Variants in CFAP54 observed in about 807,000 individuals in gnomAD.
CFAP54 encodes the protein cilia and flagella associated protein 54, also known as cilia- and flagella-associated protein 54.
CFAP54 carries 290 observed loss-of-function variants against 370.4 expected under a neutral mutation model. The observed-to-expected ratio is 0.78, with a 90% CI of 0.71 to 0.86. CFAP54 has a LOEUF of 0.86. Among genes scored for constraint, CFAP54 ranks in the 40% least tolerant of loss-of-function variants. CFAP54 has a pLI of 0.00. For synonymous variants in CFAP54, 1,206 were observed against 1,236.5 expected (o/e 0.98, Z 0.52); for missense variants, 3,399 against 3,528.7 (o/e 0.96, Z 0.93).
At chr12:96,845,680 C>T (rs1689473879) in intron 66 of CFAP54, among the ~76,000 whole-genome samples, 1 of 152,218 alleles carries the variant, frequency 6.6e-6, no homozygotes, top group South Asian at 2.1e-4. Context: ...CCTTCCCTTT[C>T]CCCATGGCTT....
intron 66 of CFAP54, among the ~76,000 whole-genome samples, chr12:96,856,266 G>A (rs12580091): frequency 0.011 from 1,714 of 152,304 alleles, 79 homozygotes; most frequent in East Asian, 0.11. Flanking sequence ...AGCATAAATT[G>A]TGATGTTTTC....
intron 58 of CFAP54, among the ~76,000 whole-genome samples, chr12:96,759,927 A>G (rs1323019388): frequency 6.6e-6 from 1 of 152,220 alleles, no homozygotes; most frequent in African/African-American, 2.4e-5. Context: ...TTTTGTTAGT[A>G]GGTACTCAAT....
chr12:96,753,824 A>T lies in CFAP54; in HGVS notation c.7766A>T (p.Asp2589Val). Reference sequence around the variant, plus strand: ...TGGTTACCTGCTCTTCATCTGTTTGATGTGGCACTGAAGCTCTGTAGAACA... The same window carrying T: ...TGGTTACCTGCTCTTCATCTGTTTGTTGTGGCACTGAAGCTCTGTAGAACA... Reference protein sequence around the residue: ...SKWLPALHLFDVALKLCRTTA... With the variant: ...SKWLPALHLFVVALKLCRTTA... The change falls in exon 56 of 68, where the codon GAT (aspartate) becomes GTT (valine). Residue 2589 changes from aspartate to valine, a missense_variant. Asp to Val is a radical substitution (Grantham distance 152). Transcript: ENST00000524981. 2 of 1,614,048 alleles carry T rather than the reference A, an allele frequency of 1.2e-6. No homozygotes were observed. The highest frequency in any genetic ancestry group is 1.7e-6 in the Non-Finnish European group (2 of 1,179,960).
Position 96,534,047 on chromosome 12 carries a change from A to C in CFAP54, c.1540-15A>C. The stretch of plus-strand genomic sequence containing the variant: ...ATCCAATTACTAATTAACGTGTGGG[A>C]TATACTTCCCCAAGAGGCAGGATGA... On this transcript the variant is annotated splice_polypyrimidine_tract_variant and intron_variant, in intron 10 of 67. Coordinates refer to ENST00000524981, the MANE Select transcript of CFAP54 (RefSeq NM_001306084.2). 1 of 1,512,970 alleles carries C rather than the reference A, an allele frequency of 6.6e-7. No homozygotes were observed. Among genetic ancestry groups the C allele is most frequent in the Admixed American group, 2.2e-5 (1 of 45,942 alleles). 93.7% of individuals were successfully genotyped at this position (1,512,970 alleles called of 1,614,324 possible).
At chr12:96,771,446 A>G (rs1301071655) in intron 60 of CFAP54, among the ~76,000 whole-genome samples, 1 of 152,160 alleles carries the variant, frequency 6.6e-6, no homozygotes, top group Non-Finnish European at 1.5e-5. Context: ...AGGTCAGGAG[A>G]TGGAGACCAT....
chr12:96,764,372 C>A (rs1005156616), intron 59 of CFAP54, 123 bp downstream of exon 59: 1 of 656,802 alleles, frequency 1.5e-6, no homozygotes, highest in Non-Finnish European at 2.4e-6. Context: ...CCTGTTATCC[C>A]AGCACTTTGG....
chr12:96,641,939 G>GC (rs1359024557), intron 32 of CFAP54, among the ~76,000 whole-genome samples: 2 of 143,786 alleles, frequency 1.4e-5, no homozygotes, highest in Non-Finnish European at 3.1e-5. Context: ...GGGGTGGTGC[G>GC]GGGGGGGAGG....
intron 65 of CFAP54, among the ~76,000 whole-genome samples, chr12:96,825,073 A>G (rs542520404): frequency 3.1e-4 from 46 of 150,370 alleles, no homozygotes; most frequent in East Asian, 1.4e-3. Flanking sequence ...CTGGTCCCCA[A>G]TCTCTACCAG....
intron 50 of CFAP54, among the ~76,000 whole-genome samples, chr12:96,724,015 G>A (rs1257962717): frequency 4.0e-5 from 6 of 151,790 alleles, no homozygotes; most frequent in Non-Finnish European, 5.9e-5. Context: ...ATCTCATCAT[G>A]TTTATGGCTG....
At chr12:96,668,402 G>A (rs1216603225) in intron 39 of CFAP54, among the ~76,000 whole-genome samples, 1 of 152,172 alleles carries the variant, frequency 6.6e-6, no homozygotes, top group African/African-American at 2.4e-5. Context: ...GTTCCACGAG[G>A]CCTCACAATC....
chr12:96,692,480 GT>G (rs576291811), intron 44 of CFAP54, among the ~76,000 whole-genome samples: 199 of 152,180 alleles, frequency 1.3e-3, no homozygotes, highest in African/African-American at 4.6e-3. Flanking sequence ...AAAATGGTGT[GT>G]TTTTATTTCT....
At position 96,635,507 on chromosome 12, in the gene CFAP54, A is replaced by C. The variant is rs576291983; in HGVS notation, c.4316+4856A>C. 3.3e-5 allele frequency among the ~76,000 whole-genome samples: 5 copies of C among 152,306 alleles called. No homozygotes were observed. The East Asian group carries it at 9.7e-4, about 29-fold the overall frequency. Reference sequence around the variant, plus strand: ...GCACCAGCGGGGCAGCCCCATATGCACTTCATGGAATTTCTCCTTAGGATA... The same window carrying C: ...GCACCAGCGGGGCAGCCCCATATGCCCTTCATGGAATTTCTCCTTAGGATA... On this transcript the variant is annotated intron_variant, in intron 32 of 67. Coordinates refer to ENST00000524981, the MANE Select transcript of CFAP54 (RefSeq NM_001306084.2).
rs12582360 is a variant in CFAP54, at chr12:96,512,183, T to G, written c.740-803T>G. Among the ~76,000 whole-genome samples, 1,063 of 150,472 alleles carry G rather than the reference T, an allele frequency of 7.1e-3. 33 individuals are homozygous for G. Among genetic ancestry groups the G allele is most frequent in the East Asian group, 0.055 (282 of 5,118 alleles). On this transcript the variant is annotated intron_variant, in intron 4 of 67. Transcript: ENST00000524981. The stretch of plus-strand genomic sequence containing the variant: ...GTGCCCTGTTATGCATTATGATTTT[T>G]AAATTATTATGAGTTTCCTTGTTGA...
At position 96,842,715 on chromosome 12, in the gene CFAP54, C is replaced by T. The variant is rs574517743; in HGVS notation, c.9171+13627C>T. Among the ~76,000 whole-genome samples the T allele has an allele frequency of 4.3e-4, 65 of 152,268 alleles. No individual in the cohort carries two copies. The East Asian group carries it at 8.9e-3, about 21-fold the overall frequency. On this transcript the variant is annotated intron_variant, in intron 66 of 67. Transcript: ENST00000524981. ...ATAGTGAATGTTCAGTGGCACTCAG[C>T]GAAAGTGCTCCTCTTCTGCCTACTA... is the stretch of plus-strand genomic sequence containing the variant.
At position 96,564,451 on chromosome 12, in the gene CFAP54, G is replaced by C; in HGVS notation, c.2411-17G>C. 1.5e-6 allele frequency: 1 copy of C among 687,678 alleles called. No homozygotes were observed. Among genetic ancestry groups the C allele is most frequent in the South Asian group, 1.6e-5 (1 of 63,416 alleles). 42.6% of individuals were successfully genotyped at this position (687,678 alleles called of 1,614,324 possible). On this transcript the variant is annotated splice_polypyrimidine_tract_variant and intron_variant, in intron 17 of 67. Coordinates refer to ENST00000524981, the MANE Select transcript of CFAP54 (RefSeq NM_001306084.2). ...GGATACATACTTAATTGTTATGACA[G>C]TCGTCTTCTTCTTCAGTTTTGCAGA...
intron 12 of CFAP54, among the ~76,000 whole-genome samples, chr12:96,537,252 G>A (rs1955516573): frequency 6.6e-6 from 1 of 152,128 alleles, no homozygotes; most frequent in Admixed American, 6.5e-5. Context: ...GTGAGGTTCT[G>A]TTCAGCTTTT....
At chr12:96,704,926 T>C (rs1048586326) in intron 47 of CFAP54, 130 bp downstream of exon 47, 13 of 329,716 alleles carry the variant, frequency 3.9e-5, no homozygotes, top group Non-Finnish European at 6.4e-5. Context: ...TCTTTTTTTT[T>C]CCCAGTATCT....
chr12:96,586,937 C>A (rs1256466694), intron 22 of CFAP54, among the ~76,000 whole-genome samples: 1 of 152,142 alleles, frequency 6.6e-6, no homozygotes, highest in African/African-American at 2.4e-5. Context: ...GGCCAGTGTG[C>A]TGGTAGCTGA....
chr12:96,717,385 AG>A (rs1446800554), intron 48 of CFAP54, among the ~76,000 whole-genome samples: 1 of 152,228 alleles, frequency 6.6e-6, no homozygotes, highest in Non-Finnish European at 1.5e-5. Flanking sequence ...GAGACTAGCC[AG>A]GTAGGGAAGT....
Sources: gnomAD v4.1 joint callset for allele counts (sites outside exome capture counted in the v4.1 genomes callset) on GRCh38, gnomAD v4.1.1 for gene constraint, MANE v1.5 for transcripts, NCBI Gene and HGNC (gene_info 2026-07-23, HGNC 2026-07-21) for gene names.